Variants in FNIP2 observed in about 807,000 individuals in gnomAD.
FNIP2 encodes folliculin-interacting protein 2.
In FNIP2, 32 loss-of-function variants were observed where a neutral mutation model predicts 108.7. The ratio of observed to expected loss-of-function variants is 0.29; its 90% CI spans 0.22 to 0.40. The LOEUF is 0.40. FNIP2 is among the 10% of genes least tolerant of loss of function. The pLI is 1.00. For synonymous variants in FNIP2, 480 were observed against 496.7 expected, an observed-to-expected ratio of 0.97 and a Z score of 0.45; for missense variants, 1,202 against 1,381.6, an observed-to-expected ratio of 0.87 and a Z score of 2.06.
chr4:158,855,043 T>G (rs922505656), intron 8 of FNIP2, among the ~76,000 whole-genome samples: 5 of 152,178 alleles, frequency 3.3e-5, no homozygotes, highest in Non-Finnish European at 7.4e-5. Flanking sequence ...TCTTAGTTTC[T>G]ATGCCTTTGG....
rs926920009 is a variant in FNIP2 at position 158,902,717 on chromosome 4, CA to C, written c.3267-1748del. ...GGAATCTAGAGAGGCAGTCTGGCCC[CA>C]GTGGCCTTGCTGAGAGCTGCAGTGG... is the stretch of plus-strand genomic sequence containing the variant. On this transcript the variant is annotated intron_variant, in intron 16 of 16. Transcript: ENST00000264433. Among the ~76,000 whole-genome samples, 6 of 152,250 alleles carry C rather than the reference CA, an allele frequency of 3.9e-5. No homozygotes were observed. The South Asian group carries it at 6.2e-4, about 16-fold the overall frequency.
At chr4:158,860,725 C>T (rs1335188473) in intron 10 of FNIP2, among the ~76,000 whole-genome samples, 2 of 146,402 alleles carry the variant, frequency 1.4e-5, no homozygotes, top group East Asian at 2.0e-4. Context: ...GGTGCGATCT[C>T]GGCTCGCTGC....
At chr4:158,790,577 C>T (rs745649783) in intron 1 of FNIP2, among the ~76,000 whole-genome samples, 3 of 151,856 alleles carry the variant, frequency 2.0e-5, no homozygotes, top group Non-Finnish European at 4.4e-5. Context: ...GAGATTCCAT[C>T]GCTCCAAAAA....
Position 158,824,799 on chromosome 4 carries a change from C to G in FNIP2, c.108-1117C>G, listed in dbSNP as rs55873484. ...TCACTCTCTGGCCTTTTTTCTTCTT[C>G]CTTCTCCAGTGCAGCAGTCTTACAC... On this transcript the variant is annotated intron_variant, in intron 1 of 16. Transcript: ENST00000264433. Among the ~76,000 whole-genome samples, 87 of 152,232 alleles carry G rather than the reference C, an allele frequency of 5.7e-4. 2 individuals are homozygous for G. The South Asian group carries it at 0.017, about 30-fold the overall frequency.
intron 7 of FNIP2, among the ~76,000 whole-genome samples, chr4:158,848,499 G>A (rs978798718): frequency 6.6e-6 from 1 of 152,182 alleles, no homozygotes; most frequent in Admixed American, 6.5e-5. Flanking sequence ...TGCCCAAGAA[G>A]GGTGGGTACA....
chr4:158,868,529 A>G lies in FNIP2; in HGVS notation c.1893A>G (p.Ala631=), dbSNP rs368062140. ...RPEQGSEACS[A]GCLGPASDAS... is the part of the protein sequence containing the mutation. Reference sequence around the variant, plus strand: ...AGCAGGGTTCTGAGGCTTGCAGCGCAGGGTGCCTGGGGCCAGCATCAGACG... The same window carrying G: ...AGCAGGGTTCTGAGGCTTGCAGCGCGGGGTGCCTGGGGCCAGCATCAGACG... Residue 631 remains alanine (A), a synonymous_variant, in exon 13 of 17, where the codon GCA becomes GCG. Transcript: ENST00000264433. The surrounding 1 kb of genome is among the most constrained non-coding windows in gnomAD (Gnocchi z 4.6). 3.4e-4 allele frequency: 549 copies of G among 1,613,794 alleles called. No homozygotes were observed. The highest frequency in any genetic ancestry group is 4.4e-4 in the Non-Finnish European group (522 of 1,179,856).
chr4:158,894,778 C>A (rs978040257), intron 15 of FNIP2, among the ~76,000 whole-genome samples: 9 of 152,276 alleles, frequency 5.9e-5, no homozygotes, highest in Admixed American at 5.2e-4. Flanking sequence ...CTCTTAGTCA[C>A]TTAGCAGTTG....
At chr4:158,894,763 T>C (rs1782533137) in intron 15 of FNIP2, among the ~76,000 whole-genome samples, 1 of 152,204 alleles carries the variant, frequency 6.6e-6, no homozygotes, top group South Asian at 2.1e-4. Context: ...CTCCTTACTT[T>C]ATTACTCTTA....
intron 14 of FNIP2, among the ~76,000 whole-genome samples, chr4:158,877,104 C>G (rs185813024): frequency 1.3e-5 from 2 of 152,202 alleles, no homozygotes; most frequent in Non-Finnish European, 2.9e-5. Context: ...CATCATGTAA[C>G]TTGATTCTGA....
At position 158,868,590 on chromosome 4, in the gene FNIP2, G is replaced by A; in HGVS notation, c.1954G>A (p.Glu652Lys). 1.2e-6 allele frequency: 2 copies of A among 1,613,534 alleles called. No individual in the cohort carries two copies. Among genetic ancestry groups the A allele is most frequent in the Non-Finnish European group, 1.7e-6 (2 of 1,179,640 alleles). ...ACCTCAGAATGCATTTTGTGGGGAT[G>A]AGAAAAATAAAGAGGCACCGCAAGA... is the stretch of plus-strand genomic sequence containing the variant. ...WKPQNAFCGD[E>K]KNKEAPQDGS... is the part of the protein sequence containing the mutation. The change falls in exon 13 of 17, where the codon GAG (glutamate) becomes AAG (lysine). Residue 652 changes from glutamate to lysine, a missense_variant. Coordinates refer to ENST00000264433, the MANE Select transcript of FNIP2 (RefSeq NM_020840.3). The surrounding 1 kb of genome is among the most constrained non-coding windows in gnomAD (Gnocchi z 4.6).
At chr4:158,878,753 G>T (rs936264921) in intron 14 of FNIP2, among the ~76,000 whole-genome samples, 3 of 152,002 alleles carry the variant, frequency 2.0e-5, no homozygotes, top group Admixed American at 6.6e-5. Flanking sequence ...CCTCCAGTTG[G>T]CAATAACTAT....
intron 14 of FNIP2, among the ~76,000 whole-genome samples, chr4:158,887,582 CA>C (rs1782082482): frequency 6.6e-6 from 1 of 151,626 alleles, no homozygotes; most frequent in Non-Finnish European, 1.5e-5. Flanking sequence ...ACTAAAAATA[CA>C]AAAAATTAGC....
At chr4:158,787,874 C>A (rs941975994) in intron 1 of FNIP2, among the ~76,000 whole-genome samples, 1 of 152,102 alleles carries the variant, frequency 6.6e-6, no homozygotes, top group Non-Finnish European at 1.5e-5. Context: ...CCAGTCAAAG[C>A]GAATTTGTCT....
chr4:158,853,657 C>G (rs1466077353), intron 8 of FNIP2, among the ~76,000 whole-genome samples: 1 of 152,126 alleles, frequency 6.6e-6, no homozygotes, highest in East Asian at 1.9e-4. Flanking sequence ...ATAGTTTGCT[C>G]AGAATGATGG....
intron 1 of FNIP2, among the ~76,000 whole-genome samples, chr4:158,780,875 A>C (rs1342160368): frequency 6.6e-6 from 1 of 152,096 alleles, no homozygotes; most frequent in Non-Finnish European, 1.5e-5. Context: ...TCTACTAAAA[A>C]CACAAAAAAA....
At chr4:158,859,463 CATT>C (rs886304886) in intron 9 of FNIP2, 112 bp from the exon 10 acceptor site, 17 of 1,044,912 alleles carry the variant, frequency 1.6e-5, no homozygotes, top group African/African-American at 3.2e-5. Context: ...TGACTGAAGG[CATT>C]ATTACCTTGA....
At chr4:158,779,579 T>G (rs2126417298) in intron 1 of FNIP2, among the ~76,000 whole-genome samples, 1 of 150,838 alleles carries the variant, frequency 6.6e-6, no homozygotes, top group South Asian at 2.1e-4. Flanking sequence ...TGGTTTTTTT[T>G]TTTTTTTTTG....
intron 1 of FNIP2, among the ~76,000 whole-genome samples, chr4:158,786,691 A>G (rs1366696998): frequency 1.3e-5 from 2 of 152,204 alleles, no homozygotes; most frequent in Admixed American, 6.5e-5. Context: ...TCGGTTTGGG[A>G]AAAGGTGCCT....
chr4:158,853,743 T>G (rs182085679), intron 8 of FNIP2, among the ~76,000 whole-genome samples: 1 of 152,214 alleles, frequency 6.6e-6, no homozygotes, highest in African/African-American at 2.4e-5. Context: ...TGTTAAACAG[T>G]TTTTTAAAAG....
Sources: gnomAD v4.1 joint callset for allele counts (sites outside exome capture counted in the v4.1 genomes callset) on GRCh38, gnomAD v4.1.1 for gene constraint, Gnocchi (gnomAD v3.1) non-coding constraint, MANE v1.5 for transcripts, NCBI Gene and HGNC (gene_info 2026-07-23, HGNC 2026-07-21) for gene names.